Variants in NYAP2 observed in about 807,000 individuals in gnomAD.
NYAP2 encodes the protein neuronal tyrosine-phosphorylated phosphoinositide-3-kinase adaptor 2.
In NYAP2, 23 loss-of-function variants were observed where a neutral mutation model predicts 50.4. That is an observed-to-expected ratio of 0.46 (90% CI 0.33 to 0.65). NYAP2 has a LOEUF of 0.65. Among genes scored for constraint, NYAP2 ranks in the 30% least tolerant of loss-of-function variants. The probability of loss-of-function intolerance (pLI) is 0.02; values close to 1 mark genes in which losing one functional copy is unlikely to be tolerated. For missense variants in NYAP2, 885 were observed against 861.0 expected (o/e 1.03, Z -0.35); for synonymous variants, 394 against 365.2 (o/e 1.08, Z -0.90).
chr2:225,432,231 C>A (rs1340853880), intron 3 of NYAP2, among the ~76,000 whole-genome samples: 1 of 148,338 alleles, frequency 6.7e-6, no homozygotes, highest in Non-Finnish European at 1.5e-5. Flanking sequence ...CTCCTGACCT[C>A]GTGATCCACC....
At chr2:225,590,760 C>A (rs1299928409) in intron 5 of NYAP2, among the ~76,000 whole-genome samples, 1 of 152,148 alleles carries the variant, frequency 6.6e-6, no homozygotes, top group African/African-American at 2.4e-5. Flanking sequence ...CAGCTTGCAA[C>A]GAGGACAGAT....
the NYAP2 span, among the ~76,000 whole-genome samples, chr2:225,688,773 TG>T: frequency 6.6e-6 from 1 of 152,206 alleles, no homozygotes; most frequent in Non-Finnish European, 1.5e-5. Context: ...GATGGAGTCT[TG>T]CTCTGACACC....
At chr2:225,678,629 AAG>A in the NYAP2 span, among the ~76,000 whole-genome samples, 1 of 152,142 alleles carries the variant, frequency 6.6e-6, no homozygotes, top group Non-Finnish European at 1.5e-5. Context: ...CATTTTATTA[AAG>A]AGAGTAAAAA....
the NYAP2 span, chr2:225,698,652 C>G: frequency 6.6e-6 from 1 of 152,090 alleles, no homozygotes; most frequent in African/African-American, 2.4e-5. Flanking sequence ...AGTGGAATGC[C>G]ACGGGAAGCT....
rs145933272 is a variant in NYAP2, at chr2:225,515,193, G to A, written c.523+1521G>A. On this transcript the variant is annotated intron_variant, in intron 4 of 6. Transcript: ENST00000636099. ...CTTCAGTTTTTCCTGCTATACATAT[G>A]CAAAAAATGCCTTGCATGTAAGTAT... Among the ~76,000 whole-genome samples, 359 of 152,240 alleles carry A rather than the reference G, an allele frequency of 2.4e-3. 2 individuals carry two copies. The highest frequency in any genetic ancestry group is 3.9e-3 in the Non-Finnish European group (267 of 68,010).
chr2:225,672,978 C>CTGTTTAGTTAA, the NYAP2 span, among the ~76,000 whole-genome samples: 2 of 151,652 alleles, frequency 1.3e-5, no homozygotes, highest in Non-Finnish European at 2.9e-5. Context: ...TTAGTCTGTT[C>CTGTTTAGTTAA]TCACACTGTT....
intron 3 of NYAP2, among the ~76,000 whole-genome samples, chr2:225,479,462 C>T (rs1277341411): frequency 2.0e-5 from 3 of 152,092 alleles, no homozygotes; most frequent in African/African-American, 7.2e-5. Flanking sequence ...CCTAAGTGAT[C>T]CATTGAAATA....
At chr2:225,602,111 T>G (rs1446181541) in intron 5 of NYAP2, among the ~76,000 whole-genome samples, 1 of 152,130 alleles carries the variant, frequency 6.6e-6, no homozygotes, top group Non-Finnish European at 1.5e-5. Flanking sequence ...AAAAGAGGGT[T>G]GCCAGCTATG....
intron 5 of NYAP2, among the ~76,000 whole-genome samples, chr2:225,586,687 T>C (rs1049290842): frequency 2.0e-5 from 3 of 152,226 alleles, no homozygotes; most frequent in African/African-American, 7.2e-5. Flanking sequence ...TGATTTTGAT[T>C]TGATTTTTTA....
At chr2:225,661,420 C>A in the NYAP2 span, among the ~76,000 whole-genome samples, 3 of 152,220 alleles carry the variant, frequency 2.0e-5, no homozygotes, top group Admixed American at 6.5e-5. Context: ...GTTGAAAACA[C>A]TTCTCCAGAT....
chr2:225,408,798 A>T (rs1694981340), intron 2 of NYAP2, 66 bp from the exon 3 acceptor site: 1 of 812,790 alleles, frequency 1.2e-6, no homozygotes, highest in South Asian at 1.6e-5. Flanking sequence ...GTTGTTAGGG[A>T]TAATAAACAG....
At chr2:225,516,402 A>G (rs1350734284) in intron 4 of NYAP2, among the ~76,000 whole-genome samples, 1 of 152,218 alleles carries the variant, frequency 6.6e-6, no homozygotes, top group East Asian at 1.9e-4. Context: ...CTCATTAAAC[A>G]CCAACTCCAA....
chr2:225,537,738 TC>T (rs1053568430), intron 4 of NYAP2, among the ~76,000 whole-genome samples: 24 of 151,974 alleles, frequency 1.6e-4, no homozygotes, highest in African/African-American at 4.4e-4. Context: ...TTCCCAACAG[TC>T]CCCCAAAGTC....
intron 6 of NYAP2, among the ~76,000 whole-genome samples, chr2:225,649,149 C>T (rs935068873): frequency 6.6e-6 from 1 of 152,228 alleles, no homozygotes; most frequent in African/African-American, 2.4e-5. Context: ...TCACTAAAAG[C>T]ACTTGTTATG....
chr2:225,558,941 G>C (rs1039631953), intron 4 of NYAP2, among the ~76,000 whole-genome samples: 1 of 152,062 alleles, frequency 6.6e-6, no homozygotes, highest in African/African-American at 2.4e-5. Flanking sequence ...ACTGTGACAC[G>C]TTACCAGAAA....
chr2:225,450,763 C>A (rs2106147394), intron 3 of NYAP2, among the ~76,000 whole-genome samples: 1 of 152,282 alleles, frequency 6.6e-6, no homozygotes, highest in South Asian at 2.1e-4. Flanking sequence ...TGCATTTCTG[C>A]CACCTCTCTC....
downstream of NYAP2, among the ~76,000 whole-genome samples, chr2:225,655,703 G>A (rs1274747489): frequency 6.6e-6 from 1 of 152,052 alleles, no homozygotes; most frequent in African/African-American, 2.4e-5. Context: ...CTATACTCTT[G>A]CTGCACAGGT....
intron 3 of NYAP2, among the ~76,000 whole-genome samples, chr2:225,482,684 G>A (rs1009533785): frequency 9.9e-5 from 15 of 152,024 alleles, no homozygotes; most frequent in African/African-American, 3.1e-4. Context: ...CCACCACAGA[G>A]CCTATTTTCC....
chr2:225,607,062 A>G (rs546286430), intron 5 of NYAP2, among the ~76,000 whole-genome samples: 5 of 152,132 alleles, frequency 3.3e-5, no homozygotes, highest in Admixed American at 6.6e-5. Context: ...ACTTCTCATC[A>G]AACATCATTT....
Sources: allele counts gnomAD v4.1 joint callset (sites outside exome capture counted in the v4.1 genomes callset), GRCh38; gene constraint gnomAD v4.1.1; transcripts MANE v1.5; gene names NCBI Gene and HGNC (gene_info 2026-07-23, HGNC 2026-07-21).